The following ADGRV1 variants were observed in gnomAD, a reference collection of about 807,000 sequenced individuals.
ADGRV1 encodes the protein G-protein coupled receptor 98.
Under a neutral mutation model 596.2 loss-of-function variants are expected in ADGRV1, and 359 were observed. The ratio of observed to expected loss-of-function variants is 0.60; its 90% CI spans 0.55 to 0.66. The LOEUF is 0.66. ADGRV1 is among the 30% of genes least tolerant of loss of function. ADGRV1 has a pLI of 0.00. For missense variants in ADGRV1, 7,274 were observed against 7,575.6 expected (o/e 0.96, Z 1.48); for synonymous variants, 2,681 against 2,679.2 (o/e 1.00, Z -0.02).
chr5:90,882,038 C>T (rs981572181), intron 83 of ADGRV1, among the ~76,000 whole-genome samples: 2 of 152,144 alleles, frequency 1.3e-5, no homozygotes, highest in African/African-American at 4.8e-5. Context: ...AACAAACCAA[C>T]ATTTATACCA....
rs1056258725 is a variant in ADGRV1, at chr5:91,153,247, C to T, written c.18651C>T (p.Ser6217=). ...EEVPPDWERA[S]FQQGSQASPD... is the part of the protein sequence containing the mutation. ...TGCCACCTGACTGGGAGAGAGCATC[C>T]TTCCAACAGGGCAGTCAGGCCAGCC... Residue 6217 remains serine, a synonymous_variant, in exon 89 of 90, where the codon TCC becomes TCT. Transcript: ENST00000405460. The T allele has an allele frequency of 1.4e-5, 23 of 1,608,172 alleles. No individual in the cohort carries two copies. The highest frequency in any genetic ancestry group is 1.2e-4 in the African/African-American group (9 of 74,806).
chr5:90,863,104 G>T (rs987889518), intron 82 of ADGRV1, among the ~76,000 whole-genome samples: 3 of 152,004 alleles, frequency 2.0e-5, no homozygotes, highest in African/African-American at 7.3e-5. Flanking sequence ...AAGCAAATAG[G>T]TTATCATATG....
intron 76 of ADGRV1, 49 bp downstream of exon 76, chr5:90,823,645 T>C: frequency 2.7e-6 from 4 of 1,502,504 alleles, no homozygotes; most frequent in Non-Finnish European, 3.7e-6. Context: ...TATATTTCTT[T>C]AGAATTAATC....
At chr5:90,635,347 A>G in intron 10 of ADGRV1, 57 bp downstream of exon 10, 2 of 1,422,942 alleles carry the variant, frequency 1.4e-6, no homozygotes, top group Middle Eastern at 1.8e-4. Flanking sequence ...ATGTACAGAC[A>G]CTATTTTTAA....
At chr5:90,614,560 A>T in intron 1 of ADGRV1, 1 of 343,736 alleles carries the variant, frequency 2.9e-6, no homozygotes, top group Non-Finnish European at 5.4e-6. Context: ...ACTAAATTTA[A>T]TAAGTAAGTT....
At chr5:91,105,292 C>CA (rs141778860) in intron 87 of ADGRV1, among the ~76,000 whole-genome samples, 6,277 of 152,274 alleles carry the variant, frequency 0.041, 169 homozygotes, top group East Asian at 0.13. Flanking sequence ...AGTGCAGCAA[C>CA]AAACATGGGT....
At chr5:90,877,215 G>A (rs1769298548) in intron 83 of ADGRV1, among the ~76,000 whole-genome samples, 5 of 152,212 alleles carry the variant, frequency 3.3e-5, no homozygotes, top group Admixed American at 3.3e-4. Context: ...GTATCTGGCA[G>A]GATTAGTGAC....
intron 88 of ADGRV1, among the ~76,000 whole-genome samples, chr5:91,150,602 T>A (rs561075691): frequency 4.0e-4 from 61 of 152,358 alleles, no homozygotes; most frequent in African/African-American, 1.4e-3. Flanking sequence ...CTTAAGATGC[T>A]ATTTTTCCTA....
chr5:91,109,650 G>C (rs932822235), intron 87 of ADGRV1, among the ~76,000 whole-genome samples: 3 of 152,116 alleles, frequency 2.0e-5, no homozygotes, highest in African/African-American at 7.2e-5. Flanking sequence ...GCAGGAAAAA[G>C]CTTATTCCTA....
At chr5:90,872,140 G>T (rs1250411274) in intron 83 of ADGRV1, among the ~76,000 whole-genome samples, 1 of 152,032 alleles carries the variant, frequency 6.6e-6, no homozygotes, top group East Asian at 1.9e-4. Flanking sequence ...GGAGAATTTG[G>T]GGCCCCACCC....
At chr5:91,142,585 C>G (rs1299099921) in intron 87 of ADGRV1, among the ~76,000 whole-genome samples, 1 of 152,182 alleles carries the variant, frequency 6.6e-6, no homozygotes, top group African/African-American at 2.4e-5. Context: ...GTTTTAACCA[C>G]TTCTTCCCAC....
chr5:90,758,627 C>A (rs1468186457), intron 57 of ADGRV1, among the ~76,000 whole-genome samples: 2 of 152,136 alleles, frequency 1.3e-5, no homozygotes, highest in African/African-American at 4.8e-5. Flanking sequence ...ATGTTTCTAT[C>A]TGTCTGAGTG....
chr5:90,774,200 G>T lies in ADGRV1; in HGVS notation c.12300G>T (p.Lys4100Asn). ...TLHFDETESQKTIVLHTLQDT... is the reference protein window; with the variant it reads ...TLHFDETESQNTIVLHTLQDT... ...ATTGGATGTAGACTGAGTCCCAGAA[G>T]ACCATTGTGTTGCACACACTTCAAG... Residue 4100 changes from lysine to asparagine, a missense_variant, in exon 60 of 90, where the codon AAG (lysine) becomes AAT (asparagine). Lys to Asn is a moderately conservative substitution (Grantham distance 94, BLOSUM62 0). Coordinates refer to ENST00000405460, the MANE Select transcript of ADGRV1 (RefSeq NM_032119.4). 6.2e-7 allele frequency: 1 copy of T among 1,601,550 alleles called. No homozygotes were observed. Among genetic ancestry groups the T allele is most frequent in the South Asian group, 1.1e-5 (1 of 89,452 alleles).
At chr5:90,657,612 T>C (rs1769606318) in intron 20 of ADGRV1, among the ~76,000 whole-genome samples, 1 of 151,962 alleles carries the variant, frequency 6.6e-6, no homozygotes, top group South Asian at 2.1e-4. Flanking sequence ...GTTCAGATAC[T>C]TTTTTTTCTA....
At chr5:91,081,897 A>ATT (rs1789419775) in intron 86 of ADGRV1, among the ~76,000 whole-genome samples, 1 of 152,246 alleles carries the variant, frequency 6.6e-6, no homozygotes, top group Non-Finnish European at 1.5e-5. Flanking sequence ...CCTAAAAGTG[A>ATT]TATGACTTCT....
In ADGRV1 at chr5:91,061,219, A is replaced by G. The variant is rs138158991; in HGVS notation, c.18153-11228A>G. Among the ~76,000 whole-genome samples the G allele has an allele frequency of 2.4e-4, 37 of 152,328 alleles. No individual in the cohort carries two copies. In the East Asian group the frequency reaches 6.4e-3, roughly 26 times the overall value. ...ATGAGAGAACATAGAGCATTCATAC[A>G]TACAAAAAATAACAAGTCAGCCTGA... On this transcript the variant is annotated intron_variant, in intron 85 of 89. Transcript: ENST00000405460.
At position 90,783,968 on chromosome 5, in the gene ADGRV1, C is replaced by T; in HGVS notation, c.13564C>T (p.Gln4522Ter). The change falls in exon 67 of 90, where the codon CAA (glutamine) becomes TAA (stop). Residue 4522 changes from glutamine to a stop codon, truncating the protein, a stop_gained. Transcript: ENST00000405460. LOFTEE classifies it high-confidence loss of function. Reference protein sequence around the residue: ...SPFGVIRFLNQSKISIANPNS... With the variant: ...SPFGVIRFLN ...CTTTGGAGTTATAAGGTTTCTCAAT[C>T]AAAGCAAAATTTCTATTGCTAATCC... is the stretch of plus-strand genomic sequence containing the variant. 1 of 1,612,262 alleles carries T rather than the reference C, an allele frequency of 6.2e-7. No homozygotes were observed. Among genetic ancestry groups the T allele is most frequent in the Non-Finnish European group, 8.5e-7 (1 of 1,179,158 alleles).
chr5:90,967,009 G>C (rs1306846115), intron 84 of ADGRV1, among the ~76,000 whole-genome samples: 1 of 152,162 alleles, frequency 6.6e-6, no homozygotes, highest in African/African-American at 2.4e-5. Flanking sequence ...TAGCAACAGT[G>C]AATTAATGGT....
chr5:90,799,981 GA>G (rs1761180241), intron 70 of ADGRV1, among the ~76,000 whole-genome samples: 1 of 152,090 alleles, frequency 6.6e-6, no homozygotes, highest in Non-Finnish European at 1.5e-5. Context: ...AATCCTAGAA[GA>G]AAACCTAGGA....
Sources: allele counts gnomAD v4.1 joint callset (sites outside exome capture counted in the v4.1 genomes callset), GRCh38; gene constraint gnomAD v4.1.1; transcripts MANE v1.5; gene names NCBI Gene and HGNC (gene_info 2026-07-23, HGNC 2026-07-21).